The following MAST4 variants were observed in gnomAD, a reference collection of about 807,000 sequenced individuals.
MAST4 encodes the protein microtubule-associated serine/threonine-protein kinase 4.
Under a neutral mutation model 162.7 loss-of-function variants are expected in MAST4, and 89 were observed. The observed-to-expected ratio is 0.55, with a 90% CI of 0.46 to 0.65. The LOEUF is 0.65. MAST4 is among the 30% of genes least tolerant of loss of function. MAST4 has a pLI of 0.00. For synonymous variants in MAST4, 1,479 were observed against 1,361.1 expected (o/e 1.09, Z -1.91); for missense variants, 3,153 against 3,374.0 (o/e 0.93, Z 1.62).
intron 3 of MAST4, among the ~76,000 whole-genome samples, chr5:66,842,461 C>T (rs1017491709): frequency 2.0e-5 from 3 of 152,126 alleles, no homozygotes; most frequent in South Asian, 2.1e-4. Context: ...CCTCCCGCCC[C>T]GCCAAATGTT....
intron 4 of MAST4, among the ~76,000 whole-genome samples, chr5:67,007,700 T>G (rs964924847): frequency 2.6e-5 from 4 of 152,228 alleles, no homozygotes; most frequent in Admixed American, 6.5e-5. Context: ...ACTCTTACCT[T>G]AAACCTTTAT....
intron 4 of MAST4, among the ~76,000 whole-genome samples, chr5:66,901,982 C>G (rs1315256932): frequency 6.6e-6 from 1 of 152,082 alleles, no homozygotes; most frequent in South Asian, 2.1e-4. Context: ...TGAAGAAAGG[C>G]ACAAATATAT....
In MAST4 at chr5:66,979,145, A is replaced by G. The variant is rs368571943; in HGVS notation, c.675-75259A>G. ...GAAGATAACAGTTTCACTTTTAGCT[A>G]TGGTTAGTAATATCGAACCTAAAAA... On this transcript the variant is annotated intron_variant, in intron 4 of 28. Coordinates refer to ENST00000403625, the MANE Select transcript of MAST4 (RefSeq NM_001164664.2). Among the ~76,000 whole-genome samples, 35 of 152,356 alleles carry G rather than the reference A, an allele frequency of 2.3e-4. No homozygotes were observed. The East Asian group carries it at 6.4e-3, about 28-fold the overall frequency.
intron 12 of MAST4, chr5:67,114,501 A>G (rs1196095431): frequency 1.3e-5 from 4 of 314,990 alleles, no homozygotes; most frequent in Non-Finnish European, 5.8e-6. Flanking sequence ...AAGGGTTGCA[A>G]TTTCAGTCTT....
intron 4 of MAST4, among the ~76,000 whole-genome samples, chr5:67,017,890 C>T (rs1026520957): frequency 6.6e-6 from 1 of 152,096 alleles, no homozygotes; most frequent in Non-Finnish European, 1.5e-5. Context: ...AACCACCGCA[C>T]CCGGCCAAGT....
intron 1 of MAST4, among the ~76,000 whole-genome samples, chr5:66,682,019 G>A (rs1748363805): frequency 6.6e-6 from 1 of 152,174 alleles, no homozygotes; most frequent in Non-Finnish European, 1.5e-5. Context: ...TATCGTGTGT[G>A]TGTGCTAACT....
chr5:66,943,071 A>C (rs1743552326), intron 4 of MAST4, among the ~76,000 whole-genome samples: 1 of 152,068 alleles, frequency 6.6e-6, no homozygotes, highest in African/African-American at 2.4e-5. Flanking sequence ...CACATGACCT[A>C]ATCACCTTCC....
chr5:66,723,818 T>C (rs1254667492), intron 1 of MAST4, among the ~76,000 whole-genome samples: 1 of 152,196 alleles, frequency 6.6e-6, no homozygotes, highest in Non-Finnish European at 1.5e-5. Flanking sequence ...TTAAACAAAA[T>C]TACATTTTTG....
At chr5:66,977,835 G>T (rs1025658380) in intron 4 of MAST4, among the ~76,000 whole-genome samples, 1 of 152,236 alleles carries the variant, frequency 6.6e-6, no homozygotes, top group African/African-American at 2.4e-5. Context: ...TCAGTTCTGT[G>T]TATAGGTTTG....
Position 67,144,519 on chromosome 5 carries a change from TGG to T in MAST4, c.2731-149_2731-148del, listed in dbSNP as rs533641498. 756 of 722,604 alleles carry T rather than the reference TGG, an allele frequency of 1.0e-3. 11 individuals carry two copies. The South Asian group carries it at 0.014, about 13-fold the overall frequency. 44.8% of individuals were successfully genotyped at this position (722,604 alleles called of 1,614,324 possible). A position where few individuals can be genotyped will look rare whatever the true frequency, so the allele number is the denominator to read the frequency against. On this transcript the variant is annotated intron_variant, in intron 21 of 28. Transcript: ENST00000403625. ...ACCCTGACCCTTCCTCTCTGGATTC[TGG>T]TTAACAACACTGGAAAGTACTTTCT...
intron 1 of MAST4, among the ~76,000 whole-genome samples, chr5:66,748,385 C>T (rs1252900021): frequency 6.7e-6 from 1 of 150,368 alleles, no homozygotes; most frequent in Non-Finnish European, 1.5e-5. Flanking sequence ...GGACCCCTTC[C>T]TTCCTTCTTT....
intron 1 of MAST4, among the ~76,000 whole-genome samples, chr5:66,741,560 A>G (rs1752477437): frequency 1.3e-5 from 2 of 152,184 alleles, no homozygotes; most frequent in Non-Finnish European, 2.9e-5. Context: ...TATTTGGCAC[A>G]CAGGCTGTGT....
chr5:66,916,185 G>A (rs950290788), intron 4 of MAST4, among the ~76,000 whole-genome samples: 19 of 152,094 alleles, frequency 1.2e-4, no homozygotes, highest in Admixed American at 1.0e-3. Flanking sequence ...ATTTTAATGC[G>A]ACTACTAGAA....
chr5:66,974,809 C>A (rs371401093), intron 4 of MAST4, among the ~76,000 whole-genome samples: 72 of 152,204 alleles, frequency 4.7e-4, no homozygotes, highest in African/African-American at 1.6e-3. Context: ...ATGGGATTTG[C>A]AAAGTATAAG....
intron 5 of MAST4, among the ~76,000 whole-genome samples, chr5:67,078,911 A>AATAAATATATAT (rs1227485756): frequency 0.012 from 445 of 38,050 alleles, 54 homozygotes; most frequent in Middle Eastern, 0.023. Context: ...TTTTTATATA[A>AATAAATATATAT]ATATATATAT....
intron 1 of MAST4, among the ~76,000 whole-genome samples, chr5:66,747,138 G>A (rs928134087): frequency 6.6e-6 from 1 of 150,914 alleles, no homozygotes; most frequent in Admixed American, 6.6e-5. Context: ...GTGTATGTAT[G>A]TGTGTGTAGA....
At chr5:66,857,662 T>C (rs1006219379) in intron 3 of MAST4, among the ~76,000 whole-genome samples, 2 of 152,254 alleles carry the variant, frequency 1.3e-5, no homozygotes, top group African/African-American at 4.8e-5. Context: ...TTTATATGTT[T>C]AGTGGTCATT....
At chr5:66,647,380 A>C (rs1561235818) in intron 1 of MAST4, among the ~76,000 whole-genome samples, 1 of 152,090 alleles carries the variant, frequency 6.6e-6, no homozygotes, top group Non-Finnish European at 1.5e-5. Context: ...TACGACATCA[A>C]AACATTTTTT....
At chr5:66,648,167 T>TA (rs374500759) in intron 1 of MAST4, among the ~76,000 whole-genome samples, 9,038 of 150,398 alleles carry the variant, frequency 0.06, 312 homozygotes, top group Admixed American at 0.1. Flanking sequence ...CCATAATATA[T>TA]AAAAAAAAAT....
Sources: allele counts gnomAD v4.1 joint callset (sites outside exome capture counted in the v4.1 genomes callset), GRCh38; gene constraint gnomAD v4.1.1; transcripts MANE v1.5; gene names NCBI Gene and HGNC (gene_info 2026-07-23, HGNC 2026-07-21).